DOCK4: variants seen among roughly 807,000 people sequenced by gnomAD.
DOCK4 encodes dedicator of cytokinesis protein 4.
DOCK4 carries 97 observed loss-of-function variants against 268.1 expected under a neutral mutation model. The observed-to-expected ratio is 0.36, with a 90% confidence interval of 0.31 to 0.43. DOCK4 has a LOEUF of 0.43. Among genes scored for constraint, DOCK4 ranks in the 20% least tolerant of loss-of-function variants. The pLI, the probability that DOCK4 is intolerant of heterozygous loss-of-function variation, is 1.00. For missense variants in DOCK4, 2,145 were observed against 2,455.7 expected, an observed-to-expected ratio of 0.87 and a Z score of 2.67; for synonymous variants, 954 against 887.2, an observed-to-expected ratio of 1.08 and a Z score of -1.34.
At chr7:112,184,217 C>G (rs1381756603) in intron 1 of DOCK4, among the ~76,000 whole-genome samples, 1 of 152,202 alleles carries the variant, frequency 6.6e-6, no homozygotes, top group African/African-American at 2.4e-5. Flanking sequence ...CAACGTAGAC[C>G]TAGTACCTAC....
intron 31 of DOCK4, 77 bp downstream of exon 31, chr7:111,790,380 A>C: frequency 6.5e-7 from 1 of 1,538,024 alleles, no homozygotes; most frequent in Non-Finnish European, 8.8e-7. Context: ...CCCAAGTTGG[A>C]GTTGAATCCA....
intron 8 of DOCK4, among the ~76,000 whole-genome samples, chr7:111,973,156 CATATATATATATATATAT>C (rs144045255): frequency 4.4e-5 from 5 of 114,062 alleles, no homozygotes; most frequent in Admixed American, 1.8e-4. Flanking sequence ...TATTCCATGG[CATATATATATATATATAT>C]ATATATATAT....
intron 1 of DOCK4, among the ~76,000 whole-genome samples, chr7:112,082,385 G>A (rs1013521085): frequency 6.6e-6 from 1 of 152,132 alleles, no homozygotes; most frequent in African/African-American, 2.4e-5. Context: ...TAATTTCACA[G>A]GAAAGCCAGA....
chr7:112,132,716 C>T lies in DOCK4; in HGVS notation c.37+73386G>A, dbSNP rs545148247. The stretch of plus-strand genomic sequence containing the variant: ...TATTGGATATTGAAAGTATCCAATA[C>T]AGAAAGTAGGAGGGAACATGGGACA... On this transcript the variant is annotated intron_variant, in intron 1 of 52. Transcript: ENST00000428084. 2.6e-4 allele frequency among the ~76,000 whole-genome samples: 39 copies of T among 152,168 alleles called. 1 individual carries two copies. In the South Asian group the frequency reaches 3.1e-3, roughly 12 times the overall value.
chr7:111,752,052 A>C (rs747197847), intron 42 of DOCK4, among the ~76,000 whole-genome samples: 12 of 152,220 alleles, frequency 7.9e-5, no homozygotes, highest in Non-Finnish European at 1.5e-4. Flanking sequence ...ATTATTGTTA[A>C]TTTTTAATGT....
chr7:111,939,853 G>T (rs1438354202), intron 11 of DOCK4, among the ~76,000 whole-genome samples: 1 of 152,160 alleles, frequency 6.6e-6, no homozygotes, highest in Admixed American at 6.5e-5. Context: ...TTCAAAGGTG[G>T]TATCCCACAT....
At chr7:111,759,094 G>A (rs1797223892) in intron 40 of DOCK4, among the ~76,000 whole-genome samples, 1 of 152,114 alleles carries the variant, frequency 6.6e-6, no homozygotes, top group Non-Finnish European at 1.5e-5. Flanking sequence ...GTGTGTGTAG[G>A]TAGATGGGAA....
chr7:111,960,383 G>T (rs1256827437), intron 8 of DOCK4, among the ~76,000 whole-genome samples: 1 of 147,770 alleles, frequency 6.8e-6, no homozygotes, highest in East Asian at 2.0e-4. Context: ...AAAAAGAAAA[G>T]AAAAAAGAAT....
At chr7:111,972,522 T>G (rs1797801421) in intron 8 of DOCK4, among the ~76,000 whole-genome samples, 1 of 152,188 alleles carries the variant, frequency 6.6e-6, no homozygotes, top group African/African-American at 2.4e-5. Flanking sequence ...ACCACTTATC[T>G]GTCTTATGTG....
intron 1 of DOCK4, among the ~76,000 whole-genome samples, chr7:112,131,102 C>T (rs139826992): frequency 6.6e-6 from 1 of 152,152 alleles, no homozygotes; most frequent in Non-Finnish European, 1.5e-5. Context: ...TTAAAACTAA[C>T]AAATGTGATC....
intron 1 of DOCK4, among the ~76,000 whole-genome samples, chr7:112,007,184 T>G (rs967641603): frequency 9.9e-5 from 15 of 152,276 alleles, no homozygotes; most frequent in African/African-American, 2.9e-4. Flanking sequence ...ACACCTCAAA[T>G]ATAGTAAGGC....
chr7:111,901,153 G>A (rs900108367), intron 14 of DOCK4, among the ~76,000 whole-genome samples: 1 of 152,068 alleles, frequency 6.6e-6, no homozygotes, highest in South Asian at 2.1e-4. Flanking sequence ...GGCCAACACG[G>A]TGAAACCCTG....
At chr7:112,056,721 TA>T (rs1241088650) in intron 1 of DOCK4, among the ~76,000 whole-genome samples, 4 of 152,156 alleles carry the variant, frequency 2.6e-5, no homozygotes, top group African/African-American at 9.7e-5. Context: ...AAACGTGGAT[TA>T]AAACAGCACT....
At chr7:111,913,817 G>A (rs1183043673) in intron 13 of DOCK4, among the ~76,000 whole-genome samples, 2 of 151,632 alleles carry the variant, frequency 1.3e-5, no homozygotes, top group Admixed American at 1.3e-4. Flanking sequence ...AGGAGTTTGA[G>A]ACTGCAGTGA....
At chr7:111,984,466 A>G in intron 6 of DOCK4, 76 bp from the exon 7 acceptor site, 2 of 1,305,364 alleles carry the variant, frequency 1.5e-6, no homozygotes, top group Non-Finnish European at 1.1e-6. Context: ...GTTTTTTACT[A>G]TATCACTTGG....
At chr7:111,862,169 T>G (rs10250088) in intron 23 of DOCK4, among the ~76,000 whole-genome samples, 1 of 151,288 alleles carries the variant, frequency 6.6e-6, no homozygotes, top group African/African-American at 2.4e-5. Flanking sequence ...TGTGGTGGTG[T>G]GTGCCTATAA....
At chr7:112,197,126 T>C (rs1456086644) in intron 1 of DOCK4, among the ~76,000 whole-genome samples, 2 of 152,194 alleles carry the variant, frequency 1.3e-5, no homozygotes, top group South Asian at 4.1e-4. Context: ...TGCCTCTTTC[T>C]GTGAATTTAT....
At chr7:111,869,388 A>T (rs1448586690) in intron 21 of DOCK4, 186 bp downstream of exon 21, 3 of 569,290 alleles carry the variant, frequency 5.3e-6, no homozygotes, top group Non-Finnish European at 6.5e-6. Flanking sequence ...CCAGTAGACT[A>T]CCCTGGCAAA....
At position 111,850,107 on chromosome 7, in the gene DOCK4, T is replaced by G. The variant is rs567693597; in HGVS notation, c.2474-2981A>C. Among the ~76,000 whole-genome samples the G allele has an allele frequency of 2.1e-4, 32 of 152,284 alleles. 1 individual carries two copies. Among genetic ancestry groups the G allele is most frequent in the Non-Finnish European group, 3.7e-4 (25 of 68,020 alleles). Reference sequence around the variant, plus strand: ...TTAAAAAAATTTCTTTTTGTATCTGTAAGTACAGATACAAAAACCCTTTTC... The same window carrying G: ...TTAAAAAAATTTCTTTTTGTATCTGGAAGTACAGATACAAAAACCCTTTTC... On this transcript the variant is annotated intron_variant, in intron 23 of 52. Transcript: ENST00000428084.
Sources: allele counts gnomAD v4.1 joint callset (sites outside exome capture counted in the v4.1 genomes callset), GRCh38; gene constraint gnomAD v4.1.1; transcripts MANE v1.5; gene names NCBI Gene and HGNC (gene_info 2026-07-23, HGNC 2026-07-21).